Variants in CACNA2D1 observed in about 807,000 individuals in gnomAD.
The protein encoded by CACNA2D1 is voltage-dependent calcium channel subunit alpha-2/delta-1.
In CACNA2D1, 53 loss-of-function variants were observed where a neutral mutation model predicts 171.5. The ratio of observed to expected loss-of-function variants is 0.31; its 90% CI spans 0.25 to 0.39. CACNA2D1 has a LOEUF of 0.39. Among genes scored for constraint, CACNA2D1 ranks in the 10% least tolerant of loss-of-function variants. The pLI is 1.00. For missense variants in CACNA2D1, 903 were observed against 1,299.8 expected (o/e 0.69, Z 4.69); for synonymous variants, 442 against 443.1 (o/e 1.00, Z 0.03).
intron 6 of CACNA2D1, among the ~76,000 whole-genome samples, chr7:82,089,046 C>T (rs1036245904): frequency 5.3e-5 from 8 of 152,254 alleles, no homozygotes; most frequent in South Asian, 4.1e-4. Context: ...CTGCGTGGCC[C>T]GGTTCCTAAC....
chr7:82,005,443 G>T lies in CACNA2D1; in HGVS notation c.1570C>A (p.His524Asn). ...AIDPNGYVLL[H>N]PNLQPKNPKS... Reference sequence around the variant, plus strand: ...CTGACCTTTGGCTGAAGATTTGGATGTAATAAAACATAACCATTAGGATCG... The same window carrying T: ...CTGACCTTTGGCTGAAGATTTGGATTTAATAAAACATAACCATTAGGATCG... The change falls in exon 18 of 39, where the codon CAT (histidine) becomes AAT (asparagine). Residue 524 changes from histidine (H) to asparagine (N), a missense_variant. His to Asn is a moderately conservative substitution (Grantham distance 68, BLOSUM62 1). Coordinates refer to ENST00000356860, the MANE Select transcript of CACNA2D1 (RefSeq NM_000722.4). 1 of 1,589,398 alleles carries T rather than the reference G, an allele frequency of 6.3e-7. No homozygotes were observed. Among genetic ancestry groups the T allele is most frequent in the Non-Finnish European group, 8.6e-7 (1 of 1,163,334 alleles).
At chr7:82,121,298 C>T (rs569314963) in intron 5 of CACNA2D1, among the ~76,000 whole-genome samples, 208 of 152,306 alleles carry the variant, frequency 1.4e-3, no homozygotes, top group Non-Finnish European at 2.3e-3. Context: ...CTCAAATAAT[C>T]CTCCTGCCTC....
At chr7:82,176,811 T>C (rs1259721174) in intron 3 of CACNA2D1, among the ~76,000 whole-genome samples, 1 of 151,988 alleles carries the variant, frequency 6.6e-6, no homozygotes, top group Non-Finnish European at 1.5e-5. Context: ...TCAACTATGC[T>C]TCTAAAGGGA....
At chr7:82,192,825 T>C (rs1410639491) in intron 3 of CACNA2D1, among the ~76,000 whole-genome samples, 1 of 149,716 alleles carries the variant, frequency 6.7e-6, no homozygotes, top group Non-Finnish European at 1.5e-5. Flanking sequence ...ACACAAACAC[T>C]ATACATTTGA....
intron 3 of CACNA2D1, among the ~76,000 whole-genome samples, chr7:82,171,452 G>A (rs1278882612): frequency 6.6e-6 from 1 of 151,956 alleles, no homozygotes; most frequent in Admixed American, 6.6e-5. Flanking sequence ...GGACCCGACT[G>A]CCTAGATTTG....
intron 3 of CACNA2D1, among the ~76,000 whole-genome samples, chr7:82,194,518 ATCTT>A (rs1422745331): frequency 1.1e-4 from 17 of 151,860 alleles, no homozygotes; most frequent in Non-Finnish European, 2.5e-4. Flanking sequence ...TTTTCTTTAT[ATCTT>A]CACTTTTTTT....
intron 4 of CACNA2D1, among the ~76,000 whole-genome samples, chr7:82,160,673 T>C (rs1794853366): frequency 6.6e-6 from 1 of 151,982 alleles, no homozygotes; most frequent in Non-Finnish European, 1.5e-5. Flanking sequence ...AAGGTCTCCT[T>C]ACGTGGCCCA....
intron 3 of CACNA2D1, among the ~76,000 whole-genome samples, chr7:82,250,914 G>A (rs968994359): frequency 3.3e-5 from 5 of 152,034 alleles, no homozygotes; most frequent in Non-Finnish European, 7.4e-5. Context: ...CTCAGGACTT[G>A]ATTTGTATCA....
intron 4 of CACNA2D1, among the ~76,000 whole-genome samples, chr7:82,144,991 A>G (rs2129094670): frequency 6.6e-6 from 1 of 151,882 alleles, no homozygotes; most frequent in South Asian, 2.1e-4. Context: ...CTTTGTACAC[A>G]TGCTCAGCCT....
intron 5 of CACNA2D1, among the ~76,000 whole-genome samples, chr7:82,122,211 A>G (rs879527496): frequency 6.6e-6 from 1 of 152,212 alleles, no homozygotes; most frequent in Admixed American, 6.5e-5. Flanking sequence ...TAAATTTTCC[A>G]AATGACAGTG....
At chr7:82,224,576 C>T (rs768701153) in intron 3 of CACNA2D1, among the ~76,000 whole-genome samples, 6 of 151,594 alleles carry the variant, frequency 4.0e-5, no homozygotes, top group African/African-American at 9.7e-5. Flanking sequence ...AGCGAGACTC[C>T]GACTCGAAAA....
chr7:82,316,725 G>T (rs1815170227), intron 3 of CACNA2D1, among the ~76,000 whole-genome samples: 1 of 152,186 alleles, frequency 6.6e-6, no homozygotes, highest in Admixed American at 6.6e-5. Flanking sequence ...CCTGACTGGG[G>T]ATGCCTCACA....
intron 1 of CACNA2D1, among the ~76,000 whole-genome samples, chr7:82,365,032 G>A (rs1821525483): frequency 6.6e-6 from 1 of 151,920 alleles, no homozygotes; most frequent in Non-Finnish European, 1.5e-5. Flanking sequence ...ACTAAAAAAG[G>A]GAAAATAAAA....
intron 3 of CACNA2D1, among the ~76,000 whole-genome samples, chr7:82,277,247 G>A (rs540357635): frequency 1.8e-4 from 28 of 152,106 alleles, no homozygotes; most frequent in African/African-American, 5.5e-4. Context: ...GTGTCGCCCA[G>A]GCTGTAGTGC....
chr7:81,964,963 G>C (rs1282354063), intron 32 of CACNA2D1, among the ~76,000 whole-genome samples: 1 of 151,814 alleles, frequency 6.6e-6, no homozygotes, highest in Non-Finnish European at 1.5e-5. Flanking sequence ...TGGAAAAGTG[G>C]CATAAATGAG....
chr7:82,275,032 T>TACC, intron 3 of CACNA2D1, among the ~76,000 whole-genome samples: 1 of 151,912 alleles, frequency 6.6e-6, no homozygotes, highest in South Asian at 2.1e-4. Context: ...GAGTGAAAAT[T>TACC]ATTTGCTCAT....
At chr7:81,999,857 T>C (rs537246908) in intron 18 of CACNA2D1, among the ~76,000 whole-genome samples, 4 of 152,226 alleles carry the variant, frequency 2.6e-5, no homozygotes, top group Non-Finnish European at 5.9e-5. Context: ...GACTTTCATA[T>C]GCAACAATAG....
intron 2 of CACNA2D1, among the ~76,000 whole-genome samples, chr7:82,337,356 C>T (rs940965649): frequency 2.6e-5 from 4 of 152,098 alleles, no homozygotes; most frequent in African/African-American, 9.7e-5. Context: ...CCAAAGACTA[C>T]AATCATCTTT....
chr7:82,222,390 A>T (rs1235880476), intron 3 of CACNA2D1, among the ~76,000 whole-genome samples: 1 of 152,196 alleles, frequency 6.6e-6, no homozygotes, highest in African/African-American at 2.4e-5. Flanking sequence ...CTGCAGTCAT[A>T]TGGTTTTCCA....
Sources: gnomAD v4.1 joint callset for allele counts (sites outside exome capture counted in the v4.1 genomes callset) on GRCh38, gnomAD v4.1.1 for gene constraint, MANE v1.5 for transcripts, NCBI Gene and HGNC (gene_info 2026-07-23, HGNC 2026-07-21) for gene names.